TMEM131L: variants seen among roughly 807,000 people sequenced by gnomAD.
TMEM131L encodes the protein transmembrane 131 like.
Under a neutral mutation model 192.2 loss-of-function variants are expected in TMEM131L, and 54 were observed. That is an observed-to-expected ratio of 0.28 (90% CI 0.23 to 0.35). The LOEUF (loss-of-function observed/expected upper bound fraction) is 0.35. TMEM131L is among the 10% of genes least tolerant of loss of function. The pLI is 1.00. For synonymous variants in TMEM131L, 701 were observed against 704.9 expected, an observed-to-expected ratio of 0.99 and a Z score of 0.09; for missense variants, 1,888 against 1,972.9, an observed-to-expected ratio of 0.96 and a Z score of 0.82.
At chr4:153,477,302 A>G in intron 3 of TMEM131L, among the ~76,000 whole-genome samples, 1 of 152,176 alleles carries the variant, frequency 6.6e-6, no homozygotes, top group Non-Finnish European at 1.5e-5. Context: ...GGGAGATGGC[A>G]GGTAGAGTTG....
chr4:153,544,031 T>C (rs555994200), intron 3 of TMEM131L, among the ~76,000 whole-genome samples: 1 of 152,356 alleles, frequency 6.6e-6, no homozygotes, highest in South Asian at 2.1e-4. Flanking sequence ...CCTTTCCTCT[T>C]GTCCATGCAA....
intron 3 of TMEM131L, among the ~76,000 whole-genome samples, chr4:153,520,641 A>G (rs1735044638): frequency 6.6e-6 from 1 of 152,176 alleles, no homozygotes; most frequent in African/African-American, 2.4e-5. Context: ...TTTGGGGGCA[A>G]AGTTTGAAAA....
At chr4:153,617,547 G>GAAAGGTGAGCAT (rs1349653346) in intron 26 of TMEM131L, among the ~76,000 whole-genome samples, 1 of 152,158 alleles carries the variant, frequency 6.6e-6, no homozygotes, top group Admixed American at 6.5e-5. Context: ...TCTTACTAGG[G>GAAAGGTGAGCAT]AAAGGTGAGC....
chr4:153,472,290 A>G (rs1456848704), intron 2 of TMEM131L, among the ~76,000 whole-genome samples: 4 of 152,188 alleles, frequency 2.6e-5, no homozygotes, highest in South Asian at 2.1e-4. Context: ...GCCATTACGT[A>G]TGTTGTGTGA....
intron 26 of TMEM131L, among the ~76,000 whole-genome samples, 162 bp from the exon 27 acceptor site, chr4:153,620,594 A>G (rs1699657924): frequency 6.6e-6 from 1 of 152,218 alleles, no homozygotes; most frequent in South Asian, 2.1e-4. Flanking sequence ...GAAGTAGCGC[A>G]AGAGGGGAAA....
At chr4:153,611,869 A>G (rs1050769537) in intron 25 of TMEM131L, among the ~76,000 whole-genome samples, 4 of 152,204 alleles carry the variant, frequency 2.6e-5, no homozygotes, top group Admixed American at 6.5e-5. Context: ...AGTTTTAAGT[A>G]TTTCACATTG....
At chr4:153,625,391 CA>C (rs915327878) in intron 29 of TMEM131L, among the ~76,000 whole-genome samples, 10 of 146,360 alleles carry the variant, frequency 6.8e-5, no homozygotes, top group African/African-American at 1.0e-4. Context: ...TCTGTCTCGA[CA>C]AAAAAAAAGG....
At chr4:153,548,388 T>C (rs1464807323) in intron 3 of TMEM131L, among the ~76,000 whole-genome samples, 3 of 152,220 alleles carry the variant, frequency 2.0e-5, no homozygotes, top group African/African-American at 4.8e-5. Flanking sequence ...CACTGCAAGC[T>C]CTGCGTCCCG....
intron 3 of TMEM131L, among the ~76,000 whole-genome samples, chr4:153,536,675 C>T (rs1029631121): frequency 6.6e-6 from 1 of 152,138 alleles, no homozygotes. Flanking sequence ...CAGAATCGAT[C>T]GATCTATCTA....
chr4:153,486,741 G>A (rs1457200478), intron 3 of TMEM131L, among the ~76,000 whole-genome samples: 1 of 152,232 alleles, frequency 6.6e-6, no homozygotes, highest in Non-Finnish European at 1.5e-5. Flanking sequence ...ACATCTTACA[G>A]GTGGGTCTGC....
At chr4:153,566,271 G>A (rs531126524) in intron 7 of TMEM131L, among the ~76,000 whole-genome samples, 1 of 152,118 alleles carries the variant, frequency 6.6e-6, no homozygotes, top group African/African-American at 2.4e-5. Flanking sequence ...GAGTAGCTGG[G>A]ACCACAGGCG....
rs550640183 is a variant in TMEM131L, at chr4:153,528,299, G to A, written c.240-21774G>A. Among the ~76,000 whole-genome samples, 38 of 152,304 alleles carry A rather than the reference G, an allele frequency of 2.5e-4. No individual in the cohort carries two copies. The South Asian group carries it at 2.7e-3, about 11-fold the overall frequency. On this transcript the variant is annotated intron_variant, in intron 3 of 34. Transcript: ENST00000409959. Reference sequence around the variant, plus strand: ...GTTTGAGCTCCCAGCAGTTGGCATTGGTAGATTTGTGTGGGTGATAAAACA... The same window carrying A: ...GTTTGAGCTCCCAGCAGTTGGCATTAGTAGATTTGTGTGGGTGATAAAACA...
At chr4:153,613,345 C>T (rs920549824) in intron 26 of TMEM131L, among the ~76,000 whole-genome samples, 1 of 152,028 alleles carries the variant, frequency 6.6e-6, no homozygotes, top group African/African-American at 2.4e-5. Context: ...GAAATTTTAA[C>T]CAAGTAAAAA....
chr4:153,600,021 A>T (rs1188956492), intron 21 of TMEM131L, among the ~76,000 whole-genome samples: 1 of 152,148 alleles, frequency 6.6e-6, no homozygotes. Context: ...CTGGACGACA[A>T]GAGTGAAGAC....
In TMEM131L at chr4:153,636,665, G is replaced by T; in HGVS notation, c.*89G>T. Reference sequence around the variant, plus strand: ...GGTTATTGAGATAGATTATGACATTGGTGGATATTTTGGCACTTTTATATG... The same window carrying T: ...GGTTATTGAGATAGATTATGACATTTGTGGATATTTTGGCACTTTTATATG... On this transcript the variant is annotated 3_prime_UTR_variant, in exon 35 of 35. Coordinates refer to ENST00000409959, the MANE Select transcript of TMEM131L (RefSeq NM_001131007.2). 2 of 1,323,758 alleles carry T rather than the reference G, an allele frequency of 1.5e-6. No individual in the cohort carries two copies. Among genetic ancestry groups the T allele is most frequent in the Non-Finnish European group, 1.0e-6 (1 of 968,900 alleles). The allele number at this position is 1,323,758 out of a possible 1,614,324, so 82.0% of individuals were successfully genotyped here.
At chr4:153,567,966 A>T (rs1436650671) in intron 7 of TMEM131L, among the ~76,000 whole-genome samples, 1 of 152,174 alleles carries the variant, frequency 6.6e-6, no homozygotes, top group Non-Finnish European at 1.5e-5. Flanking sequence ...TCTTTGAGTG[A>T]TAAAAGTTGT....
At position 153,568,414 on chromosome 4, in the gene TMEM131L, A is replaced by G. The variant is rs938146262; in HGVS notation, c.660+10046A>G. On this transcript the variant is annotated intron_variant, in intron 7 of 34. Coordinates refer to ENST00000409959, the MANE Select transcript of TMEM131L (RefSeq NM_001131007.2). ...GTTTCCTGGTCCCTCTTTTAACTCA[A>G]TGTTTACCTTGTCTCTTTTTATTTT... 4.6e-5 allele frequency among the ~76,000 whole-genome samples: 7 copies of G among 152,132 alleles called. No homozygotes were observed. The East Asian group carries it at 7.7e-4, about 17-fold the overall frequency.
intron 31 of TMEM131L, among the ~76,000 whole-genome samples, chr4:153,631,944 T>C (rs1734238885): frequency 6.6e-6 from 1 of 152,240 alleles, no homozygotes; most frequent in African/African-American, 2.4e-5. Context: ...CTGTACCCAC[T>C]GGACTCACTT....
At chr4:153,550,303 A>G (rs543233498) in intron 4 of TMEM131L, among the ~76,000 whole-genome samples, 162 bp downstream of exon 4, 50 of 152,288 alleles carry the variant, frequency 3.3e-4, no homozygotes, top group African/African-American at 9.9e-4. Context: ...AAAGGAGAGT[A>G]CAAGAATTGT....
Sources: gnomAD v4.1 joint callset for allele counts (sites outside exome capture counted in the v4.1 genomes callset) on GRCh38, gnomAD v4.1.1 for gene constraint, MANE v1.5 for transcripts, NCBI Gene and HGNC (gene_info 2026-07-23, HGNC 2026-07-21) for gene names.